The following CD163 variants were observed in gnomAD, a reference collection of about 807,000 sequenced individuals.
CD163 encodes scavenger receptor cysteine-rich type 1 protein M130.
CD163 carries 64 observed loss-of-function variants against 129.2 expected under a neutral mutation model. The ratio of observed to expected loss-of-function variants is 0.50; its 90% CI spans 0.41 to 0.61. The LOEUF is 0.61. CD163 is among the 20% of genes least tolerant of loss of function. CD163 has a pLI of 0.00. For synonymous variants in CD163, 446 were observed against 478.5 expected (o/e 0.93, Z 0.89); for missense variants, 1,061 against 1,377.9 (o/e 0.77, Z 3.64).
rs1267129832 is a variant in CD163 at position 7,498,949 on chromosome 12, A to C, written c.697T>G (p.Ser233Ala). The C allele has an allele frequency of 6.2e-7, 1 of 1,613,928 alleles. No individual in the cohort carries two copies. Among genetic ancestry groups the C allele is most frequent in the African/African-American group, 1.3e-5 (1 of 74,902 alleles). Reference protein sequence around the residue: ...FDDLICNGNESALWNCKHQGW... With the variant: ...FDDLICNGNEAALWNCKHQGW... ...TGATGTTTGCAGTTCCAGAGAGCTG[A>C]CTCATTTCCGTTGCATATAAGATCA... Residue 233 changes from serine to alanine, a missense_variant, in exon 4 of 17, where the codon TCA becomes GCA. Physicochemically the swap from Ser to Ala is moderately conservative, Grantham distance 99 (BLOSUM62 1). Coordinates refer to ENST00000432237, the MANE Select transcript of CD163 (RefSeq NM_203416.4).
intron 6 of CD163, among the ~76,000 whole-genome samples, chr12:7,492,499 G>T (rs890713115): frequency 6.6e-6 from 1 of 151,968 alleles, no homozygotes; most frequent in African/African-American, 2.4e-5. Context: ...AAAATATTTG[G>T]GTAAGCCTCA....
intron 11 of CD163, among the ~76,000 whole-genome samples, 159 bp downstream of exon 11, chr12:7,484,937 G>C (rs763041886): frequency 1.3e-5 from 2 of 152,140 alleles, no homozygotes; most frequent in Non-Finnish European, 2.9e-5. Flanking sequence ...ACACTATCCA[G>C]GTAGAATAGA....
intron 6 of CD163, among the ~76,000 whole-genome samples, chr12:7,490,107 C>G (rs113103954): frequency 2.4e-3 from 367 of 151,888 alleles, no homozygotes; most frequent in African/African-American, 8.1e-3. Flanking sequence ...GTGATGAACC[C>G]AAAAATAGAA....
At chr12:7,497,737 C>G (rs1158920173) in intron 4 of CD163, among the ~76,000 whole-genome samples, 2 of 152,128 alleles carry the variant, frequency 1.3e-5, no homozygotes, top group Admixed American at 1.3e-4. Flanking sequence ...CTGGCAGTTT[C>G]CGTTTTCATT....
chr12:7,479,851 A>G lies in CD163; in HGVS notation c.*31+9T>C. ...TTTGAACAATGACTAATAAATTCTCATCACTCACCTCACTGGGTTATAAAT... is the reference window on the plus strand; with the variant it reads ...TTTGAACAATGACTAATAAATTCTCGTCACTCACCTCACTGGGTTATAAAT... On this transcript the variant is annotated intron_variant, in intron 16 of 16. Coordinates refer to ENST00000432237, the MANE Select transcript of CD163 (RefSeq NM_203416.4). 6.2e-7 allele frequency: 1 copy of G among 1,610,034 alleles called. No homozygotes were observed. The highest frequency in any genetic ancestry group is 1.1e-5 in the South Asian group (1 of 90,098).
chr12:7,502,955 A>G (rs1949515053), intron 1 of CD163, among the ~76,000 whole-genome samples: 1 of 152,188 alleles, frequency 6.6e-6, no homozygotes, highest in Non-Finnish European at 1.5e-5. Flanking sequence ...TCAATTATGG[A>G]TGCCCCCATC....
intron 3 of CD163, among the ~76,000 whole-genome samples, chr12:7,500,441 A>AAAAAG (rs56847583): frequency 3.3e-5 from 5 of 149,470 alleles, no homozygotes; most frequent in Non-Finnish European, 7.4e-5. Flanking sequence ...AAAAAAAAAA[A>AAAAAG]GGAATGAAAC....
chr12:7,502,116 T>C (rs746407256), intron 2 of CD163, among the ~76,000 whole-genome samples: 1 of 152,228 alleles, frequency 6.6e-6, no homozygotes, highest in South Asian at 2.1e-4. Context: ...CATCTCTCAA[T>C]ACATTTTTAG....
In CD163 at chr12:7,485,199, A is replaced by T; in HGVS notation, c.2676T>A (p.Asn892Lys). ...TGTCAGGTCCTTTTGGACACTGAAC[A>T]TTGTCCACCCACATGGGAATGGACA... ...KAMSIPMWVD[N>K]VQCPKGPDTL... Residue 892 changes from asparagine (N) to lysine (K), a missense_variant, in exon 11 of 17, where the codon AAT (asparagine) becomes AAA (lysine). Coordinates refer to ENST00000432237, the MANE Select transcript of CD163 (RefSeq NM_203416.4). This position sits in a 1 kb window ranked among gnomAD's most constrained non-coding sequence, Gnocchi z 4.5. 1 of 1,614,154 alleles carries T rather than the reference A, an allele frequency of 6.2e-7. No individual in the cohort carries two copies. Among genetic ancestry groups the T allele is most frequent in the South Asian group, 1.1e-5 (1 of 91,080 alleles).
Position 7,483,359 on chromosome 12 carries a change from G to GCA in CD163, c.3088+6_3088+7dup. Reference sequence around the variant, plus strand: ...ATTCCAAGCTCAATCCAGGCTTCTGGCACTTACCTGTGCAATTCACTGCAG... The same window carrying GCA: ...ATTCCAAGCTCAATCCAGGCTTCTGGCACACTTACCTGTGCAATTCACTGCAG... On this transcript the variant is annotated splice_region_variant and intron_variant, in intron 12 of 16. Coordinates refer to ENST00000432237, the MANE Select transcript of CD163 (RefSeq NM_203416.4). 1 of 1,606,202 alleles carries GCA rather than the reference G, an allele frequency of 6.2e-7. No homozygotes were observed. The highest frequency in any genetic ancestry group is 1.3e-5 in the African/African-American group (1 of 74,920).
At chr12:7,501,889 A>G (rs1433869826) in intron 2 of CD163, among the ~76,000 whole-genome samples, 1 of 152,234 alleles carries the variant, frequency 6.6e-6, no homozygotes, top group Non-Finnish European at 1.5e-5. Context: ...GTTGTAAGAA[A>G]TTTAACTCTT....
At chr12:7,483,843 T>TATATATATATATATATATATA (rs1259483569) in intron 11 of CD163, 168 bp from the exon 12 acceptor site, 7 of 38,388 alleles carry the variant, frequency 1.8e-4, no homozygotes, top group Admixed American at 7.5e-4. Flanking sequence ...ATATATATAT[T>TATATATATATATATATATATA]TTTTTTTTTT....
chr12:7,474,093 A>T (rs1591989522), intron 16 of CD163, among the ~76,000 whole-genome samples: 1 of 152,268 alleles, frequency 6.6e-6, no homozygotes, highest in South Asian at 2.1e-4. Context: ...GTTCTTAGAG[A>T]CCTACAAATA....
chr12:7,482,712 C>A lies in CD163; in HGVS notation c.3178G>T (p.Val1060Phe), dbSNP rs758112020. The part of the protein sequence containing the change: ...SFIAVGILGV[V>F]LLAIFVALFF... Reference sequence around the variant, plus strand: ...AATGCGACGAAAATGGCCAACAGAACAACCCCAAGGATCCCGACTGCAATA... The same window carrying A: ...AATGCGACGAAAATGGCCAACAGAAAAACCCCAAGGATCCCGACTGCAATA... The change falls in exon 14 of 17, where the codon GTT becomes TTT. Residue 1060 changes from valine (V) to phenylalanine (F), a missense_variant. Physicochemically the swap from Val to Phe is conservative, Grantham distance 50 (BLOSUM62 -1). Coordinates refer to ENST00000432237, the MANE Select transcript of CD163 (RefSeq NM_203416.4). 2 of 1,614,112 alleles carry A rather than the reference C, an allele frequency of 1.2e-6. No homozygotes were observed. Among genetic ancestry groups the A allele is most frequent in the South Asian group, 2.2e-5 (2 of 91,084 alleles).
intron 16 of CD163, among the ~76,000 whole-genome samples, chr12:7,476,194 A>C (rs142626840): frequency 1.5e-3 from 236 of 152,338 alleles, no homozygotes; most frequent in African/African-American, 5.2e-3. Flanking sequence ...TGCTATTCTC[A>C]TCAAGCTACC....
At chr12:7,482,137 C>G (rs991736674) in intron 14 of CD163, among the ~76,000 whole-genome samples, 1 of 152,056 alleles carries the variant, frequency 6.6e-6, no homozygotes, top group Non-Finnish European at 1.5e-5. Context: ...ATGTCTGTAT[C>G]TTCAGAGCCT....
intron 3 of CD163, 104 bp downstream of exon 3, chr12:7,501,035 T>A (rs1253903537): frequency 1.1e-6 from 1 of 907,316 alleles, no homozygotes; most frequent in Non-Finnish European, 1.7e-6. Flanking sequence ...ATACATGAAC[T>A]AGATTGCTTA....
rs1948999258 is a variant in CD163, at chr12:7,471,282, G to A, written c.*147C>T. Reference sequence around the variant, plus strand: ...TTTTATAAATTCAGCAGCAGTCTTAGGAATCCTAGGAGAAGAAGAACTCCA... The same window carrying A: ...TTTTATAAATTCAGCAGCAGTCTTAAGAATCCTAGGAGAAGAAGAACTCCA... On this transcript the variant is annotated 3_prime_UTR_variant, in exon 17 of 17. Transcript: ENST00000432237. The A allele has an allele frequency of 6.6e-6, 1 of 152,278 alleles. No homozygotes were observed. The highest frequency in any genetic ancestry group is 2.4e-5 in the African/African-American group (1 of 41,396). 9.4% of individuals were successfully genotyped at this position (152,278 alleles called of 1,614,324 possible). A position where few individuals can be genotyped will look rare whatever the true frequency, so the allele number is the denominator to read the frequency against.
intron 16 of CD163, among the ~76,000 whole-genome samples, chr12:7,474,578 T>C (rs897490689): frequency 6.6e-6 from 1 of 152,142 alleles, no homozygotes; most frequent in African/African-American, 2.4e-5. Flanking sequence ...GCTAAAGCAG[T>C]GTTAAGAGGG....
Sources: gnomAD v4.1 joint callset for allele counts (sites outside exome capture counted in the v4.1 genomes callset) on GRCh38, gnomAD v4.1.1 for gene constraint, Gnocchi (gnomAD v3.1) non-coding constraint, MANE v1.5 for transcripts, NCBI Gene and HGNC (gene_info 2026-07-23, HGNC 2026-07-21) for gene names.